The following SYNE3 variants were observed in gnomAD, a reference collection of about 807,000 sequenced individuals.
SYNE3 encodes nesprin-3.
SYNE3 carries 100 observed loss-of-function variants against 111.2 expected under a neutral mutation model. The ratio of observed to expected loss-of-function variants is 0.90; its 90% confidence interval spans 0.77 to 1.06. The LOEUF (loss-of-function observed/expected upper bound fraction) is 1.06, where lower values mean the gene tolerates loss of function less well. SYNE3 is among the 50% of genes least tolerant of loss of function. The pLI, the probability that SYNE3 is intolerant of heterozygous loss-of-function variation, is 0.00. For synonymous variants in SYNE3, 547 were observed against 533.9 expected, an observed-to-expected ratio of 1.02 and a Z score of -0.34; for missense variants, 1,160 against 1,240.3, an observed-to-expected ratio of 0.94 and a Z score of 0.97.
intron 6 of SYNE3, among the ~76,000 whole-genome samples, chr14:95,453,353 G>A (rs1242955270): frequency 6.6e-6 from 1 of 152,110 alleles, no homozygotes; most frequent in African/African-American, 2.4e-5. Flanking sequence ...AGGGAACCAG[G>A]GGCAGCTCCA....
intron 1 of SYNE3, among the ~76,000 whole-genome samples, chr14:95,513,934 A>C (rs1192432811): frequency 6.6e-6 from 1 of 151,826 alleles, no homozygotes; most frequent in Non-Finnish European, 1.5e-5. Context: ...AAAAGCCCTT[A>C]GTTCTAATCC....
rs542625543 is a variant in SYNE3 at position 95,465,538 on chromosome 14, T to C, written c.627+393A>G. Among the ~76,000 whole-genome samples, 9 of 151,978 alleles carry C rather than the reference T, an allele frequency of 5.9e-5. No homozygotes were observed. In the South Asian group the frequency reaches 1.9e-3, roughly 32 times the overall value. On this transcript the variant is annotated intron_variant, in intron 4 of 17. Transcript: ENST00000682763. Reference sequence around the variant, plus strand: ...GTTGATGGGTAGGTGAATGAGTAGATAGATGAATGCGTGGGCGATTAAGTG... The same window carrying C: ...GTTGATGGGTAGGTGAATGAGTAGACAGATGAATGCGTGGGCGATTAAGTG...
Position 95,417,803 on chromosome 14 carries a change from A to T in SYNE3, c.*23T>A, listed in dbSNP as rs780171862. On this transcript the variant is annotated 3_prime_UTR_variant, in exon 18 of 18. Transcript: ENST00000682763. ...GGGACTGATGGAGGTTGGAGGAGAA[A>T]GTCACCTGTGTGCCCCAGTGGGTTA... is the stretch of plus-strand genomic sequence containing the variant. 5 of 1,613,668 alleles carry T rather than the reference A, an allele frequency of 3.1e-6. No individual in the cohort carries two copies. Among genetic ancestry groups the T allele is most frequent in the Non-Finnish European group, 4.2e-6 (5 of 1,179,576 alleles).
intron 1 of SYNE3, among the ~76,000 whole-genome samples, chr14:95,486,049 G>C (rs1404872833): frequency 6.6e-6 from 1 of 152,072 alleles, no homozygotes; most frequent in African/African-American, 2.4e-5. Context: ...GAGAAGGGCT[G>C]TGTCCTCTGG....
At chr14:95,442,804 C>G (rs1371254455) in intron 11 of SYNE3, among the ~76,000 whole-genome samples, 9 of 152,200 alleles carry the variant, frequency 5.9e-5, no homozygotes, top group Admixed American at 5.9e-4. Flanking sequence ...GCAGCCTGCT[C>G]TCTTCTTTTG....
chr14:95,444,289 C>T (rs963272008), intron 10 of SYNE3, 196 bp downstream of exon 10: 2 of 639,952 alleles, frequency 3.1e-6, no homozygotes, highest in African/African-American at 3.7e-5. Context: ...GCTCAAGACT[C>T]AGTTGTTTGA....
intron 17 of SYNE3, among the ~76,000 whole-genome samples, chr14:95,419,017 T>C (rs1309492064): frequency 6.6e-6 from 1 of 152,220 alleles, no homozygotes; most frequent in African/African-American, 2.4e-5. Context: ...ACATGAAGGT[T>C]AGTCTCACAA....
At chr14:95,497,925 T>A (rs578002259) in intron 1 of SYNE3, among the ~76,000 whole-genome samples, 131 of 151,308 alleles carry the variant, frequency 8.7e-4, no homozygotes, top group Non-Finnish European at 1.4e-3. Flanking sequence ...AGAGCCTTAG[T>A]CAGAAAGACC....
In SYNE3 at chr14:95,475,720, C is replaced by T. The variant is rs201006274; in HGVS notation, c.102G>A (p.Gln34=). 2 of 1,604,826 alleles carry T rather than the reference C, an allele frequency of 1.2e-6. No homozygotes were observed. Among genetic ancestry groups the T allele is most frequent in the African/African-American group, 2.7e-5 (2 of 74,750 alleles). The change falls in exon 2 of 18, where the codon CAG becomes CAA. Residue 34 remains glutamine (Q), a synonymous_variant. Transcript: ENST00000682763. ...TGGCCTCCAGGGCCGCGCGGGGTCC[C>T]TGCGTGTTGTCATTGACCTGCAGCT... is the stretch of plus-strand genomic sequence containing the variant. ...QDQLQVNDNT[Q]GPRAALEARL...
In SYNE3 at chr14:95,445,808, C is replaced by T. The variant is rs151088038; in HGVS notation, c.1632+101G>A. ...ACACCCAGGGCCACACAGTGGCAAG[C>T]GGCAGAGCTGAGTTTAGAACATAAG... On this transcript the variant is annotated intron_variant, in intron 9 of 17. Transcript: ENST00000682763. The T allele has an allele frequency of 3.1e-3, 4,030 of 1,308,396 alleles. 71 individuals are homozygous for T. In the African/African-American group the frequency reaches 0.045, roughly 15 times the overall value. 81.0% of individuals were successfully genotyped at this position (1,308,396 alleles called of 1,614,324 possible).
chr14:95,438,672 A>G (rs1886232288), intron 14 of SYNE3: 1 of 209,026 alleles, frequency 4.8e-6, no homozygotes. Context: ...AAGTTTTCCC[A>G]TCTTGTATGG....
intron 1 of SYNE3, among the ~76,000 whole-genome samples, chr14:95,488,303 GTTATT>G (rs1889652482): frequency 6.6e-6 from 1 of 152,086 alleles, no homozygotes; most frequent in Admixed American, 6.6e-5. Flanking sequence ...ACTCAGGATG[GTTATT>G]TTGAGATTCA....
intron 1 of SYNE3, among the ~76,000 whole-genome samples, chr14:95,489,988 C>T (rs1029820070): frequency 5.3e-5 from 8 of 152,338 alleles, no homozygotes; most frequent in South Asian, 2.1e-4. Context: ...TGGGCTCCAC[C>T]GCCAACTTGC....
intron 4 of SYNE3, among the ~76,000 whole-genome samples, chr14:95,460,132 G>T (rs1191070638): frequency 6.6e-6 from 1 of 152,130 alleles, no homozygotes; most frequent in Admixed American, 6.6e-5. Context: ...AAAAATTGTT[G>T]AGCACTCCAA....
At chr14:95,502,519 T>C (rs1163017063) in intron 1 of SYNE3, among the ~76,000 whole-genome samples, 1 of 152,018 alleles carries the variant, frequency 6.6e-6, no homozygotes, top group African/African-American at 2.4e-5. Flanking sequence ...GAGCTTTATC[T>C]CCTGAAGCCT....
chr14:95,500,595 A>C lies in SYNE3; in HGVS notation c.-15+16001T>G, dbSNP rs901872762. 6.6e-6 allele frequency among the ~76,000 whole-genome samples: 1 copy of C among 152,184 alleles called. No individual in the cohort carries two copies. Among genetic ancestry groups the C allele is most frequent in the East Asian group, 1.9e-4 (1 of 5,190 alleles). On this transcript the variant is annotated intron_variant, in intron 1 of 17. Transcript: ENST00000682763. This position sits in a 1 kb window ranked among gnomAD's most constrained non-coding sequence, Gnocchi z 4.7. ...GCCTGTGTCCGGGGCTGAGCTCCCC[A>C]TCAGACCCAGAGAACAATGCCCCAC...
chr14:95,420,934 G>A (rs1436338913), intron 17 of SYNE3, among the ~76,000 whole-genome samples: 2 of 152,136 alleles, frequency 1.3e-5, no homozygotes. Flanking sequence ...GGGACCCAGT[G>A]GGAGATAATT....
rs377368015 is a variant in SYNE3 at position 95,489,053 on chromosome 14, G to A, written c.-14-13218C>T. ...GGCCTGCTGGCTGATGGCTAAGGGGGTGAGCAGCTGAGTGACTGAGTGACA... is the reference window on the plus strand; with the variant it reads ...GGCCTGCTGGCTGATGGCTAAGGGGATGAGCAGCTGAGTGACTGAGTGACA... On this transcript the variant is annotated intron_variant, in intron 1 of 17. Coordinates refer to ENST00000682763, the MANE Select transcript of SYNE3 (RefSeq NM_152592.6). 3.9e-4 allele frequency among the ~76,000 whole-genome samples: 59 copies of A among 152,332 alleles called. 1 individual carries two copies. In the South Asian group the frequency reaches 0.012, roughly 31 times the overall value.
At chr14:95,436,297 C>T (rs1049330754) in intron 15 of SYNE3, among the ~76,000 whole-genome samples, 1 of 152,192 alleles carries the variant, frequency 6.6e-6, no homozygotes, top group African/African-American at 2.4e-5. Context: ...GCTGCTATTG[C>T]TCTTTTCTGC....
Sources: gnomAD v4.1 joint callset for allele counts (sites outside exome capture counted in the v4.1 genomes callset) on GRCh38, gnomAD v4.1.1 for gene constraint, Gnocchi (gnomAD v3.1) non-coding constraint, MANE v1.5 for transcripts, NCBI Gene and HGNC (gene_info 2026-07-23, HGNC 2026-07-21) for gene names.